LECT2: variants seen among roughly 807,000 people sequenced by gnomAD.
LECT2 encodes leukocyte cell-derived chemotaxin-2.
In LECT2, 11 loss-of-function variants were observed where a neutral mutation model predicts 16.6. That is an observed-to-expected ratio of 0.66 (90% CI 0.42 to 1.09). LECT2 has a LOEUF of 1.09. LECT2 is among the 50% of genes least tolerant of loss of function. The pLI is 0.00. For missense variants in LECT2, 173 were observed against 184.2 expected, an observed-to-expected ratio of 0.94 and a Z score of 0.35; for synonymous variants, 54 against 64.8, an observed-to-expected ratio of 0.83 and a Z score of 0.80.
intron 2 of LECT2, 68 bp from the exon 3 acceptor site, chr5:135,951,436 G>A (rs1763796065): frequency 3.5e-6 from 5 of 1,437,754 alleles, no homozygotes; most frequent in South Asian, 2.6e-5. Context: ...CTGGGAACAT[G>A]GTGTTAGCCC....
chr5:135,949,679 G>A (rs1763763838), intron 3 of LECT2, among the ~76,000 whole-genome samples: 1 of 152,240 alleles, frequency 6.6e-6, no homozygotes, highest in Non-Finnish European at 1.5e-5. Context: ...GGACCCTTAC[G>A]CAAAAGGACT....
intron 3 of LECT2, 133 bp from the exon 4 acceptor site, chr5:135,947,630 C>G (rs760954837): frequency 2.9e-6 from 3 of 1,023,358 alleles, no homozygotes; most frequent in Non-Finnish European, 4.0e-6. Context: ...ATGAAAATGA[C>G]AAAATGATAT....
At chr5:135,950,655 C>T (rs1251065863) in intron 3 of LECT2, 1 of 152,816 alleles carries the variant, frequency 6.5e-6, no homozygotes, top group African/African-American at 2.4e-5. Context: ...TTACCTAAAA[C>T]TTAGAAGCTT....
In LECT2 at chr5:135,948,606, A is replaced by G. The variant is rs1321874470; in HGVS notation, c.290-1109T>C. On this transcript the variant is annotated intron_variant, in intron 3 of 3. Coordinates refer to ENST00000274507, the MANE Select transcript of LECT2 (RefSeq NM_002302.3). Reference sequence around the variant, plus strand: ...CTTTGAAAATATTGAGTTAAATAAAATACTAAAATACCATGTTTTTTTACT... The same window carrying G: ...CTTTGAAAATATTGAGTTAAATAAAGTACTAAAATACCATGTTTTTTTACT... Among the ~76,000 whole-genome samples, 4 of 151,100 alleles carry G rather than the reference A, an allele frequency of 2.6e-5. No individual in the cohort carries two copies. In the East Asian group the frequency reaches 7.7e-4, roughly 29 times the overall value.
chr5:135,947,190 A>T lies in LECT2; in HGVS notation c.*141T>A, dbSNP rs149385683. ...GTTTTGATACAGGCATGCAATGTGT[A>T]ATAATCATGTCATGGAAAATGGGGT... is the stretch of plus-strand genomic sequence containing the variant. On this transcript the variant is annotated 3_prime_UTR_variant, in exon 4 of 4. Coordinates refer to ENST00000274507, the MANE Select transcript of LECT2 (RefSeq NM_002302.3). 3.1e-4 allele frequency: 228 copies of T among 726,352 alleles called. 4 individuals carry two copies. In the East Asian group the frequency reaches 5.5e-3, roughly 18 times the overall value. The allele number at this position is 726,352 out of a possible 1,614,324, so 45.0% of individuals were successfully genotyped here. A position where few individuals can be genotyped will look rare whatever the true frequency, so the allele number is the denominator to read the frequency against.
chr5:135,954,834 C>T lies in LECT2; in HGVS notation c.-1G>A. On this transcript the variant is annotated 5_prime_UTR_variant, in exon 1 of 4. Coordinates refer to ENST00000274507, the MANE Select transcript of LECT2 (RefSeq NM_002302.3). The stretch of plus-strand genomic sequence containing the variant: ...AAAGGAGGGCTTTGGTGGAAAACAT[C>T]TGGTTTTACTTCCTTTAGTTTCTTC... The T allele has an allele frequency of 6.2e-7, 1 of 1,611,500 alleles. No individual in the cohort carries two copies. Among genetic ancestry groups the T allele is most frequent in the Non-Finnish European group, 8.5e-7 (1 of 1,177,674 alleles).
chr5:135,952,200 G>C (rs1290341546), intron 2 of LECT2, among the ~76,000 whole-genome samples: 1 of 152,204 alleles, frequency 6.6e-6, no homozygotes, highest in African/African-American at 2.4e-5. Flanking sequence ...CAGTATTTGA[G>C]GTTGCTTTGT....
chr5:135,952,803 T>G, intron 2 of LECT2, 68 bp downstream of exon 2: 1 of 1,117,156 alleles, frequency 9.0e-7, no homozygotes, highest in Non-Finnish European at 1.4e-6. Flanking sequence ...CAACCAACGT[T>G]GGGCAAGGAC....
intron 3 of LECT2, 119 bp downstream of exon 3, chr5:135,951,104 T>C: frequency 1.9e-6 from 2 of 1,041,704 alleles, no homozygotes; most frequent in Non-Finnish European, 2.8e-6. Flanking sequence ...ATATTCTTTC[T>C]GTTCCAGGTT....
In LECT2 at chr5:135,947,588, AAG is replaced by A. The variant is rs1490909123; in HGVS notation, c.290-93_290-92del. On this transcript the variant is annotated intron_variant, in intron 3 of 3. Coordinates refer to ENST00000274507, the MANE Select transcript of LECT2 (RefSeq NM_002302.3). ...TAACAAATGGACAAAAAATAAAAAAAAGAATGTTGAATGAACTCAGGAGAGGA... is the reference window on the plus strand; with the variant it reads ...TAACAAATGGACAAAAAATAAAAAAAAATGTTGAATGAACTCAGGAGAGGA... 3 of 1,326,066 alleles carry A rather than the reference AAG, an allele frequency of 2.3e-6. No individual in the cohort carries two copies. In the African/African-American group the frequency reaches 4.4e-5, roughly 20 times the overall value. The allele number at this position is 1,326,066 out of a possible 1,614,324, so 82.1% of individuals were successfully genotyped here. A position where few individuals can be genotyped will look rare whatever the true frequency, so the allele number is the denominator to read the frequency against.
At chr5:135,949,980 A>G (rs1763767747) in intron 3 of LECT2, among the ~76,000 whole-genome samples, 1 of 152,182 alleles carries the variant, frequency 6.6e-6, no homozygotes, top group South Asian at 2.1e-4. Context: ...GCCACTACAG[A>G]GGACACAGTT....
chr5:135,951,017 A>G, intron 3 of LECT2: 5 of 582,312 alleles, frequency 8.6e-6, no homozygotes, highest in Non-Finnish European at 1.2e-5. Flanking sequence ...TTACCTATAT[A>G]ACAAATGTGC....
At chr5:135,953,850 C>T (rs1255447656) in intron 1 of LECT2, among the ~76,000 whole-genome samples, 1 of 152,094 alleles carries the variant, frequency 6.6e-6, no homozygotes, top group Non-Finnish European at 1.5e-5. Context: ...ACCAATTTAG[C>T]CTAGACTGAG....
At chr5:135,954,665 A>G in intron 1 of LECT2, 123 bp downstream of exon 1, 1 of 684,354 alleles carries the variant, frequency 1.5e-6, no homozygotes, top group Non-Finnish European at 2.6e-6. Context: ...TTCATTTTTA[A>G]TAGCCAAATA....
rs1207506776 is a variant in LECT2 at position 135,947,400 on chromosome 5, A to T, written c.387T>A (p.Val129=). 1.2e-6 allele frequency: 2 copies of T among 1,614,134 alleles called. No homozygotes were observed. The highest frequency in any genetic ancestry group is 1.7e-6 in the Non-Finnish European group (2 of 1,179,970). The part of the protein sequence containing the change: ...KLGTLLPLQK[V]YPGIQSHVHI... ...GCACATGCGATTGTATGCCAGGATAAACTTTCTGCAAGGGCAATAGAGTTC... is the reference window on the plus strand; with the variant it reads ...GCACATGCGATTGTATGCCAGGATATACTTTCTGCAAGGGCAATAGAGTTC... Residue 129 remains valine, a synonymous_variant, in exon 4 of 4, where the codon GTT becomes GTA. Transcript: ENST00000274507.
At chr5:135,953,162 G>A (rs1763819082) in intron 1 of LECT2, 195 bp from the exon 2 acceptor site, 1 of 550,142 alleles carries the variant, frequency 1.8e-6, no homozygotes, top group Non-Finnish European at 3.2e-6. Context: ...TTTTTCCCTG[G>A]CCACAGAATT....
At chr5:135,952,079 G>C (rs972927998) in intron 2 of LECT2, among the ~76,000 whole-genome samples, 7 of 152,214 alleles carry the variant, frequency 4.6e-5, no homozygotes, top group Non-Finnish European at 1.5e-5. Flanking sequence ...AAGCTCAAGA[G>C]CCAAGAATTT....
Position 135,954,929 on chromosome 5 carries a change from T to G in LECT2, c.-96A>C. 4.3e-6 allele frequency: 4 copies of G among 920,520 alleles called. No individual in the cohort carries two copies. Among genetic ancestry groups the G allele is most frequent in the Non-Finnish European group, 5.3e-6 (3 of 568,276 alleles). 57.0% of individuals were successfully genotyped at this position (920,520 alleles called of 1,614,324 possible). ...GTTTGAATGAATACTTCCTAGCTAT[T>G]TAGCCTTAGAATTCTGCATCTCTCA... is the stretch of plus-strand genomic sequence containing the variant. On this transcript the variant is annotated 5_prime_UTR_variant, in exon 1 of 4. Transcript: ENST00000274507.
rs1763839773 is a variant in LECT2, at chr5:135,954,862, C to T, written c.-29G>A. 1 of 1,559,188 alleles carries T rather than the reference C, an allele frequency of 6.4e-7. No homozygotes were observed. The highest frequency in any genetic ancestry group is 8.8e-7 in the Non-Finnish European group (1 of 1,130,122). On this transcript the variant is annotated 5_prime_UTR_variant, in exon 1 of 4. Coordinates refer to ENST00000274507, the MANE Select transcript of LECT2 (RefSeq NM_002302.3). The stretch of plus-strand genomic sequence containing the variant: ...GTTTTACTTCCTTTAGTTTCTTCCT[C>T]TGATTAGAGTTGCCCCCACACTCTC...
Sources: allele counts gnomAD v4.1 joint callset (sites outside exome capture counted in the v4.1 genomes callset), GRCh38; gene constraint gnomAD v4.1.1; transcripts MANE v1.5; gene names NCBI Gene and HGNC (gene_info 2026-07-23, HGNC 2026-07-21).